The following DMRT1 variants were observed in gnomAD, a reference collection of about 807,000 sequenced individuals.
DMRT1 encodes the protein doublesex- and mab-3-related transcription factor 1.
Under a neutral mutation model 32.3 loss-of-function variants are expected in DMRT1, and 7 were observed. That is an observed-to-expected ratio of 0.22 (90% CI 0.12 to 0.41). The LOEUF is 0.41. Among genes scored for constraint, DMRT1 ranks in the 10% least tolerant of loss-of-function variants. The probability of loss-of-function intolerance (pLI) is 1.00; values close to 1 mark genes in which losing one functional copy is unlikely to be tolerated. For missense variants in DMRT1, 625 were observed against 500.5 expected, an observed-to-expected ratio of 1.25 and a Z score of -2.37; for synonymous variants, 278 against 206.1, an observed-to-expected ratio of 1.35 and a Z score of -2.99.
chr9:917,856 T>C (rs143185296), intron 4 of DMRT1, among the ~76,000 whole-genome samples: 158 of 152,310 alleles, frequency 1.0e-3, no homozygotes, highest in Non-Finnish European at 2.0e-3. Context: ...TAATATGAAA[T>C]ATATAGGTCA....
At chr9:872,382 ATGT>A (rs1305092526) in intron 2 of DMRT1, among the ~76,000 whole-genome samples, 1 of 152,238 alleles carries the variant, frequency 6.6e-6, no homozygotes. Context: ...TCTTAAGGTG[ATGT>A]TTAATATATT....
intron 4 of DMRT1, among the ~76,000 whole-genome samples, chr9:935,994 G>A (rs978678602): frequency 2.0e-5 from 3 of 152,156 alleles, no homozygotes; most frequent in Non-Finnish European, 4.4e-5. Context: ...CAAGGCTGGA[G>A]ACACTTTATT....
At chr9:933,742 G>A (rs530495136) in intron 4 of DMRT1, among the ~76,000 whole-genome samples, 16 of 152,276 alleles carry the variant, frequency 1.1e-4, no homozygotes, top group African/African-American at 3.4e-4. Context: ...TAGTTATATC[G>A]TATTGGATAG....
At chr9:927,604 A>G (rs1310290243) in intron 4 of DMRT1, among the ~76,000 whole-genome samples, 3 of 152,154 alleles carry the variant, frequency 2.0e-5, no homozygotes, top group Non-Finnish European at 4.4e-5. Flanking sequence ...TTAGCTTTAT[A>G]TGTATTTATA....
chr9:858,870 A>AAAAAAAAATAT (rs1815525305), intron 2 of DMRT1, among the ~76,000 whole-genome samples: 2 of 48,076 alleles, frequency 4.2e-5, no homozygotes, highest in African/African-American at 1.7e-4. Flanking sequence ...AAAAAAAAAA[A>AAAAAAAAATAT]ATATATATAT....
At chr9:934,610 G>GT (rs1005131344) in intron 4 of DMRT1, among the ~76,000 whole-genome samples, 2 of 152,192 alleles carry the variant, frequency 1.3e-5, no homozygotes, top group Non-Finnish European at 2.9e-5. Context: ...GCATTTTATA[G>GT]TTTTTTAGCT....
intron 3 of DMRT1, among the ~76,000 whole-genome samples, chr9:912,222 T>G (rs1818015495): frequency 6.6e-6 from 1 of 152,182 alleles, no homozygotes; most frequent in African/African-American, 2.4e-5. Context: ...GAGAACAGAT[T>G]GGGGCAACCG....
intron 2 of DMRT1, among the ~76,000 whole-genome samples, chr9:880,131 T>G (rs56050935): frequency 0.27 from 40,747 of 152,050 alleles, 5,767 homozygotes; most frequent in East Asian, 0.47. Flanking sequence ...GTTTCAGTAA[T>G]TGTAGTTTGT....
At chr9:846,765 C>T (rs113067045) in intron 1 of DMRT1, among the ~76,000 whole-genome samples, 195 bp from the exon 2 acceptor site, 1 of 152,266 alleles carries the variant, frequency 6.6e-6, no homozygotes, top group East Asian at 1.9e-4. Flanking sequence ...TTTTGAGCAC[C>T]TACTGTCTGG....
intron 4 of DMRT1, among the ~76,000 whole-genome samples, chr9:927,836 T>G (rs1278942828): frequency 6.6e-6 from 1 of 152,202 alleles, no homozygotes; most frequent in African/African-American, 2.4e-5. Flanking sequence ...TTGCTATGTG[T>G]GAAGTGACCA....
intron 1 of DMRT1, among the ~76,000 whole-genome samples, chr9:844,521 G>C (rs1464681080): frequency 6.9e-6 from 1 of 144,228 alleles, no homozygotes; most frequent in Non-Finnish European, 1.5e-5. Context: ...TAAGCCTCTT[G>C]GTTAGTAATA....
intron 3 of DMRT1, among the ~76,000 whole-genome samples, chr9:915,810 A>G (rs1331480720): frequency 4.0e-5 from 6 of 151,612 alleles, no homozygotes; most frequent in Admixed American, 1.3e-4. Flanking sequence ...TCGGCTCAGT[A>G]CAAGCTCTGC....
intron 4 of DMRT1, among the ~76,000 whole-genome samples, chr9:967,707 CTTG>C (rs1227332715): frequency 6.6e-6 from 1 of 152,102 alleles, no homozygotes; most frequent in African/African-American, 2.4e-5. Flanking sequence ...ATGCAGCCGA[CTTG>C]TTTTGTTTTT....
intron 1 of DMRT1, chr9:842,827 T>C (rs1247622331): frequency 6.6e-6 from 1 of 152,422 alleles, no homozygotes; most frequent in African/African-American, 2.4e-5. Flanking sequence ...GATCCCGCTC[T>C]CAGGGCAGGG....
chr9:917,218 G>T (rs1818212878), intron 4 of DMRT1, among the ~76,000 whole-genome samples: 1 of 152,074 alleles, frequency 6.6e-6, no homozygotes. Flanking sequence ...CTTTAAATGT[G>T]GTTCAAGACC....
chr9:859,435 G>T (rs1002741139), intron 2 of DMRT1, among the ~76,000 whole-genome samples: 3 of 152,064 alleles, frequency 2.0e-5, no homozygotes, highest in African/African-American at 7.2e-5. Context: ...GGTGCCTGTG[G>T]GTCCCCTGGG....
intron 2 of DMRT1, among the ~76,000 whole-genome samples, chr9:852,528 A>G (rs891432957): frequency 2.6e-5 from 4 of 151,780 alleles, no homozygotes; most frequent in Non-Finnish European, 5.9e-5. Flanking sequence ...GTGCTCCTAT[A>G]GAATGCTGTT....
rs74682605 is a variant in DMRT1, at chr9:902,377, T to C, written c.822+8182T>C. ...TAAGACTGCTGCAGTACTCAGTGTG[T>C]CCTTGTGACAACAGTGAAGTTCTTT... On this transcript the variant is annotated intron_variant, in intron 3 of 4. Transcript: ENST00000382276. Among the ~76,000 whole-genome samples, 824 of 151,914 alleles carry C rather than the reference T, an allele frequency of 5.4e-3. 14 individuals carry two copies. The highest frequency in any genetic ancestry group is 0.019 in the African/African-American group (783 of 41,446).
intron 2 of DMRT1, 81 bp downstream of exon 2, chr9:847,224 C>G (rs1055461780): frequency 1.4e-6 from 2 of 1,432,374 alleles, no homozygotes; most frequent in Non-Finnish European, 1.9e-6. Flanking sequence ...GCAGGGCTCC[C>G]CTGAGCTACA....
Sources: gnomAD v4.1 joint callset for allele counts (sites outside exome capture counted in the v4.1 genomes callset) on GRCh38, gnomAD v4.1.1 for gene constraint, MANE v1.5 for transcripts, NCBI Gene and HGNC (gene_info 2026-07-23, HGNC 2026-07-21) for gene names.